The following HPSE2 variants were observed in gnomAD, a reference collection of about 807,000 sequenced individuals.
HPSE2 encodes heparanase 2 (inactive), also known as inactive heparanase-2.
Under a neutral mutation model 60.5 loss-of-function variants are expected in HPSE2, and 38 were observed. That is an observed-to-expected ratio of 0.63 (90% confidence interval 0.48 to 0.82). The LOEUF is 0.82. Ranked by LOEUF, HPSE2 falls within the 40% of genes least tolerant of loss-of-function variation. The probability of loss-of-function intolerance (pLI) is 0.00; values close to 1 mark genes in which losing one functional copy is unlikely to be tolerated. For synonymous variants in HPSE2, 295 were observed against 293.2 expected (o/e 1.01, Z -0.06); for missense variants, 713 against 740.4 (o/e 0.96, Z 0.43).
chr10:99,114,354 G>T (rs1844589450), intron 3 of HPSE2, among the ~76,000 whole-genome samples: 1 of 152,186 alleles, frequency 6.6e-6, no homozygotes, highest in Non-Finnish European at 1.5e-5. Flanking sequence ...TTGATGTGAT[G>T]TCATCAAACT....
intron 6 of HPSE2, among the ~76,000 whole-genome samples, chr10:98,684,828 A>G (rs1290026304): frequency 6.6e-6 from 1 of 152,166 alleles, no homozygotes; most frequent in Non-Finnish European, 1.5e-5. Flanking sequence ...ACCAAAAAAA[A>G]GGAAGCTACA....
intron 7 of HPSE2, among the ~76,000 whole-genome samples, chr10:98,633,744 C>T (rs1402436187): frequency 2.0e-5 from 3 of 152,074 alleles, no homozygotes; most frequent in African/African-American, 4.8e-5. Flanking sequence ...AGGGAGTCAG[C>T]GCCTCTAACC....
At chr10:98,975,198 CTGAGATTATAATGT>C (rs1268036577) in intron 3 of HPSE2, among the ~76,000 whole-genome samples, 2 of 152,112 alleles carry the variant, frequency 1.3e-5, no homozygotes, top group African/African-American at 2.4e-5. Flanking sequence ...GCAACAGTTC[CTGAGATTATAATGT>C]TGAAATATCT....
intron 3 of HPSE2, among the ~76,000 whole-genome samples, chr10:99,091,531 TTC>T (rs1224261183): frequency 1.3e-5 from 2 of 152,146 alleles, no homozygotes; most frequent in African/African-American, 4.8e-5. Flanking sequence ...TTTGAACCCA[TTC>T]TCTGTTTTCT....
At chr10:98,522,319 A>G (rs1050261076) in intron 9 of HPSE2, among the ~76,000 whole-genome samples, 2 of 152,084 alleles carry the variant, frequency 1.3e-5, no homozygotes, top group Non-Finnish European at 2.9e-5. Flanking sequence ...GGAGAGATAG[A>G]GAATCTTTGT....
rs536858973 is a variant in HPSE2 at position 98,597,967 on chromosome 10, T to C, written c.1320+16937A>G. The stretch of plus-strand genomic sequence containing the variant: ...GCCTGGGTGACAGAGTGAGACTCCA[T>C]CTCAAAAAAAAAAAAAAAAAAAAAA... On this transcript the variant is annotated intron_variant, in intron 9 of 11. Transcript: ENST00000370552. Among the ~76,000 whole-genome samples, 103 of 83,630 alleles carry C rather than the reference T, an allele frequency of 1.2e-3. 1 individual carries two copies. The highest frequency in any genetic ancestry group is 3.7e-4 in the Non-Finnish European group (19 of 50,766). 54.9% of individuals were successfully genotyped at this position (83,630 alleles called of 152,430 possible).
chr10:99,199,169 G>C (rs1848495808), intron 2 of HPSE2, among the ~76,000 whole-genome samples: 1 of 152,086 alleles, frequency 6.6e-6, no homozygotes, highest in African/African-American at 2.4e-5. Context: ...ATACCTCTTT[G>C]AGATTTTAAT....
At chr10:98,846,522 G>A (rs967224519) in intron 3 of HPSE2, among the ~76,000 whole-genome samples, 8 of 152,158 alleles carry the variant, frequency 5.3e-5, no homozygotes, top group Non-Finnish European at 8.8e-5. Context: ...CAACCCAGGA[G>A]TACGGTAGCA....
chr10:98,642,482 A>G (rs1946664596), intron 6 of HPSE2, among the ~76,000 whole-genome samples: 1 of 152,220 alleles, frequency 6.6e-6, no homozygotes, highest in African/African-American at 2.4e-5. Context: ...CTACCAAAAT[A>G]TGCTGTGGTT....
chr10:98,501,781 G>A (rs1217791113), intron 9 of HPSE2, among the ~76,000 whole-genome samples: 3 of 152,060 alleles, frequency 2.0e-5, no homozygotes, highest in South Asian at 2.1e-4. Context: ...TGATATGATC[G>A]TTTACTTTGA....
intron 3 of HPSE2, among the ~76,000 whole-genome samples, chr10:98,849,345 T>C (rs1952113025): frequency 6.6e-6 from 1 of 152,166 alleles, no homozygotes. Context: ...TAACACTAGG[T>C]ATATATGAAA....
At chr10:99,259,079 G>A in the HPSE2 span, among the ~76,000 whole-genome samples, 2 of 152,164 alleles carry the variant, frequency 1.3e-5, no homozygotes, top group Non-Finnish European at 2.9e-5. Context: ...GCTGATGTGG[G>A]TGGATCACCT....
At chr10:98,576,763 G>T (rs1003112328) in intron 9 of HPSE2, among the ~76,000 whole-genome samples, 2 of 151,984 alleles carry the variant, frequency 1.3e-5, no homozygotes, top group Admixed American at 1.3e-4. Flanking sequence ...CACAGTCTGA[G>T]AAAACAGATC....
intron 2 of HPSE2, among the ~76,000 whole-genome samples, chr10:99,191,976 T>C (rs1160904255): frequency 6.6e-6 from 1 of 152,134 alleles, no homozygotes; most frequent in Non-Finnish European, 1.5e-5. Flanking sequence ...GAAAAATGCA[T>C]CAATATCCTT....
At chr10:99,311,061 A>G in the HPSE2 span, among the ~76,000 whole-genome samples, 2 of 152,184 alleles carry the variant, frequency 1.3e-5, no homozygotes, top group African/African-American at 2.4e-5. Context: ...AGATCTATCA[A>G]TCATCCTATC....
At chr10:99,184,819 T>TATATATATATATATACATAC (rs1554912295) in intron 2 of HPSE2, among the ~76,000 whole-genome samples, 1 of 19,858 alleles carries the variant, frequency 5.0e-5, no homozygotes, top group African/African-American at 1.7e-4. Flanking sequence ...TATATATATA[T>TATATATATATATATACATAC]AGAGAGAGAG....
intron 3 of HPSE2, among the ~76,000 whole-genome samples, chr10:99,043,838 TA>T (rs1277241545): frequency 2.6e-5 from 4 of 151,762 alleles, no homozygotes; most frequent in Admixed American, 6.5e-5. Flanking sequence ...TTTTTAAAAA[TA>T]AAAAAAACTC....
At chr10:98,960,726 A>T (rs12242157) in intron 3 of HPSE2, among the ~76,000 whole-genome samples, 12,458 of 98,014 alleles carry the variant, frequency 0.13, 727 homozygotes, top group African/African-American at 0.31. Flanking sequence ...TTTTTGTTTT[A>T]TTTTTTTTAT....
chr10:98,554,786 G>T (rs1206348909), intron 9 of HPSE2, among the ~76,000 whole-genome samples: 1 of 152,140 alleles, frequency 6.6e-6, no homozygotes, highest in Non-Finnish European at 1.5e-5. Context: ...TGTTAGTCTT[G>T]GTTCTGCCTT....
Sources: gnomAD v4.1 joint callset for allele counts (sites outside exome capture counted in the v4.1 genomes callset) on GRCh38, gnomAD v4.1.1 for gene constraint, MANE v1.5 for transcripts, NCBI Gene and HGNC (gene_info 2026-07-23, HGNC 2026-07-21) for gene names.